THSD7B: variants seen among roughly 807,000 people sequenced by gnomAD.
THSD7B encodes thrombospondin type-1 domain-containing protein 7B.
Under a neutral mutation model 213.6 loss-of-function variants are expected in THSD7B, and 138 were observed. That is an observed-to-expected ratio of 0.65 (90% CI 0.56 to 0.74). THSD7B has a LOEUF of 0.74. Among genes scored for constraint, THSD7B ranks in the 30% least tolerant of loss-of-function variants. The pLI is 0.00. For synonymous variants in THSD7B, 742 were observed against 687.0 expected, an observed-to-expected ratio of 1.08 and a Z score of -1.25; for missense variants, 1,931 against 1,991.5, an observed-to-expected ratio of 0.97 and a Z score of 0.58.
At chr2:137,181,287 A>T (rs1680449519) in intron 7 of THSD7B, among the ~76,000 whole-genome samples, 2 of 152,218 alleles carry the variant, frequency 1.3e-5, no homozygotes. Context: ...AGATATTCCT[A>T]GAGGAGGGTG....
intron 1 of THSD7B, among the ~76,000 whole-genome samples, chr2:136,796,980 T>TCACACACA (rs58116447): frequency 0.04 from 5,859 of 146,876 alleles, 185 homozygotes; most frequent in East Asian, 0.18. Flanking sequence ...TCATATTTGA[T>TCACACACA]CACACACACA....
At chr2:136,981,954 C>A (rs1685584014) in intron 2 of THSD7B, among the ~76,000 whole-genome samples, 1 of 152,310 alleles carries the variant, frequency 6.6e-6, no homozygotes, top group African/African-American at 2.4e-5. Context: ...ACTTGGGAAC[C>A]ACTACGCAGG....
At chr2:137,081,472 G>T (rs956538694) in intron 3 of THSD7B, among the ~76,000 whole-genome samples, 2 of 151,448 alleles carry the variant, frequency 1.3e-5, no homozygotes, top group East Asian at 3.9e-4. Flanking sequence ...TCCTTTCTTG[G>T]ACATCTTGTT....
At chr2:137,585,484 A>G (rs1405738540) in intron 17 of THSD7B, among the ~76,000 whole-genome samples, 2 of 152,040 alleles carry the variant, frequency 1.3e-5, no homozygotes, top group Non-Finnish European at 2.9e-5. Context: ...TTAGTGCTAT[A>G]TATTTCCCTC....
intron 1 of THSD7B, among the ~76,000 whole-genome samples, chr2:136,805,598 C>T (rs1032416857): frequency 2.0e-5 from 3 of 152,074 alleles, no homozygotes. Flanking sequence ...TCTCTCCCCT[C>T]TCATTTATCC....
chr2:137,498,099 T>C (rs976584923), intron 15 of THSD7B, among the ~76,000 whole-genome samples: 10 of 152,206 alleles, frequency 6.6e-5, no homozygotes, highest in African/African-American at 2.4e-4. Context: ...TTATATAAAA[T>C]GGTACTACAA....
intron 2 of THSD7B, among the ~76,000 whole-genome samples, chr2:136,994,795 C>T (rs1284397018): frequency 1.3e-5 from 2 of 152,136 alleles, no homozygotes; most frequent in African/African-American, 4.8e-5. Flanking sequence ...ATACAGATTA[C>T]CCTCCTGAAA....
chr2:137,559,382 C>T (rs983364531), intron 15 of THSD7B, among the ~76,000 whole-genome samples: 20 of 152,144 alleles, frequency 1.3e-4, no homozygotes, highest in African/African-American at 4.8e-4. Flanking sequence ...ACAAATGGAT[C>T]ATAACAGAGC....
At chr2:137,068,999 G>A (rs973008036) in intron 3 of THSD7B, among the ~76,000 whole-genome samples, 1 of 151,966 alleles carries the variant, frequency 6.6e-6, no homozygotes, top group South Asian at 2.1e-4. Flanking sequence ...CGCCTCAAAC[G>A]ATTTTCTTTT....
Position 136,766,920 on chromosome 2 carries a change from T to C in THSD7B, c.-36+1233T>C, listed in dbSNP as rs548070056. ...TACACCTGTGAGTGCTCTGTTATCA[T>C]GGAAATGGTAACCCATGCAGGTAGG... On this transcript the variant is annotated intron_variant, in intron 1 of 27. Coordinates refer to ENST00000409968, the MANE Select transcript of THSD7B (RefSeq NM_001316349.2). Among the ~76,000 whole-genome samples, 183 of 152,220 alleles carry C rather than the reference T, an allele frequency of 1.2e-3. 1 individual carries two copies. The highest frequency in any genetic ancestry group is 2.9e-3 in the Admixed American group (45 of 15,298).
intron 17 of THSD7B, among the ~76,000 whole-genome samples, chr2:137,599,233 A>G (rs571059797): frequency 5.5e-4 from 84 of 151,734 alleles, no homozygotes; most frequent in African/African-American, 1.9e-3. Context: ...TTATGGCTGC[A>G]TAGTATTCCA....
At chr2:137,032,045 T>C (rs903475166) in intron 2 of THSD7B, among the ~76,000 whole-genome samples, 46 of 152,040 alleles carry the variant, frequency 3.0e-4, no homozygotes, top group Admixed American at 2.6e-3. Flanking sequence ...TTCGCCATGT[T>C]ACCCAGACTG....
At chr2:137,639,493 C>T (rs1469901083) in intron 20 of THSD7B, among the ~76,000 whole-genome samples, 1 of 152,182 alleles carries the variant, frequency 6.6e-6, no homozygotes, top group Non-Finnish European at 1.5e-5. Flanking sequence ...CACACAGAGT[C>T]CCTAGTGGGG....
At chr2:137,445,771 A>G (rs1221470231) in intron 14 of THSD7B, among the ~76,000 whole-genome samples, 1 of 152,010 alleles carries the variant, frequency 6.6e-6, no homozygotes, top group Non-Finnish European at 1.5e-5. Flanking sequence ...AATGTTCCCA[A>G]CACAAAGAAA....
At chr2:137,314,465 G>C (rs942355051) in intron 12 of THSD7B, among the ~76,000 whole-genome samples, 2 of 152,094 alleles carry the variant, frequency 1.3e-5, no homozygotes, top group African/African-American at 4.8e-5. Context: ...TCCTCCCATA[G>C]CTCGGAGTAA....
chr2:136,933,816 A>G (rs183117540), intron 2 of THSD7B, among the ~76,000 whole-genome samples: 5 of 152,266 alleles, frequency 3.3e-5, no homozygotes, highest in Admixed American at 2.6e-4. Context: ...ATTGATATTG[A>G]ACCTAACTGA....
At chr2:137,127,590 T>G (rs1688653543) in intron 5 of THSD7B, among the ~76,000 whole-genome samples, 1 of 152,154 alleles carries the variant, frequency 6.6e-6, no homozygotes, top group African/African-American at 2.4e-5. Context: ...TTGTTACTTT[T>G]AATAGTGTGA....
At chr2:137,062,894 G>A (rs1687303767) in intron 3 of THSD7B, among the ~76,000 whole-genome samples, 1 of 151,834 alleles carries the variant, frequency 6.6e-6, no homozygotes, top group South Asian at 2.1e-4. Context: ...TCGATTACTA[G>A]AGAGGAGTGT....
chr2:137,075,667 T>A (rs1425784974), intron 3 of THSD7B, among the ~76,000 whole-genome samples: 2 of 152,168 alleles, frequency 1.3e-5, no homozygotes, highest in East Asian at 3.9e-4. Flanking sequence ...GCGCTCTGAT[T>A]TTTAGAGTTT....
Sources: allele counts gnomAD v4.1 joint callset (sites outside exome capture counted in the v4.1 genomes callset), GRCh38; gene constraint gnomAD v4.1.1; transcripts MANE v1.5; gene names NCBI Gene and HGNC (gene_info 2026-07-23, HGNC 2026-07-21).